Variants in RAB27B observed in about 807,000 individuals in gnomAD.
The protein encoded by RAB27B is ras-related protein Rab-27B.
RAB27B carries 15 observed loss-of-function variants against 24.6 expected under a neutral mutation model. The observed-to-expected ratio is 0.61, with a 90% CI of 0.41 to 0.94. The LOEUF is 0.94. Among genes scored for constraint, RAB27B ranks in the 40% least tolerant of loss-of-function variants. RAB27B has a pLI of 0.00. For missense variants in RAB27B, 261 were observed against 266.8 expected, an observed-to-expected ratio of 0.98 and a Z score of 0.15; for synonymous variants, 105 against 92.5, an observed-to-expected ratio of 1.14 and a Z score of -0.78.
intron 4 of RAB27B, chr18:54,885,926 G>C (rs1300076881): frequency 6.5e-6 from 1 of 153,548 alleles, no homozygotes; most frequent in Non-Finnish European, 1.4e-5. Flanking sequence ...GAGCAAAGGG[G>C]GACGTGCCAC....
chr18:54,738,229 A>C (rs1909959548), intron 2 of RAB27B, among the ~76,000 whole-genome samples: 1 of 152,164 alleles, frequency 6.6e-6, no homozygotes, highest in Admixed American at 6.6e-5. Flanking sequence ...CATTTTCCAC[A>C]TAAGAATAAC....
chr18:54,746,082 T>C (rs536099219), intron 2 of RAB27B, among the ~76,000 whole-genome samples: 4 of 152,224 alleles, frequency 2.6e-5, no homozygotes, highest in African/African-American at 9.6e-5. Flanking sequence ...ATATGTGAGA[T>C]GAAGCTTCAA....
intron 2 of RAB27B, among the ~76,000 whole-genome samples, chr18:54,728,903 C>CAAAAAAAAAAAAAAAAAAAAAAAAAAAA (rs58878407): frequency 1.5e-5 from 1 of 68,252 alleles, no homozygotes; most frequent in Non-Finnish European, 2.5e-5. Flanking sequence ...AAAAAAAACC[C>CAAAAAAAAAAAAAAAAAAAAAAAAAAAA]AAAAAAAAAA....
intron 1 of RAB27B, among the ~76,000 whole-genome samples, chr18:54,855,256 A>G (rs1232867959): frequency 6.6e-6 from 1 of 152,176 alleles, no homozygotes; most frequent in Admixed American, 6.5e-5. Context: ...TGGGGAGCAG[A>G]TGTAAATACA....
intron 4 of RAB27B, among the ~76,000 whole-genome samples, chr18:54,884,844 G>C (rs544321948): frequency 1.3e-5 from 2 of 152,248 alleles, no homozygotes; most frequent in African/African-American, 4.8e-5. Flanking sequence ...GGGGACACTG[G>C]CACTGAAGGT....
intron 2 of RAB27B, among the ~76,000 whole-genome samples, chr18:54,791,291 T>C (rs966731898): frequency 6.0e-4 from 92 of 152,194 alleles, no homozygotes; most frequent in African/African-American, 2.0e-3. Flanking sequence ...GTATCAGACT[T>C]GATTGGGTGC....
intron 4 of RAB27B, among the ~76,000 whole-genome samples, chr18:54,886,849 T>G (rs1285909448): frequency 5.9e-5 from 9 of 152,108 alleles, no homozygotes; most frequent in Non-Finnish European, 2.9e-5. Context: ...TTCTTTGTCT[T>G]CTTCCTCTAG....
At chr18:54,781,262 T>G (rs1908908305) in intron 2 of RAB27B, among the ~76,000 whole-genome samples, 1 of 152,048 alleles carries the variant, frequency 6.6e-6, no homozygotes, top group Non-Finnish European at 1.5e-5. Flanking sequence ...ACCTGTCCAC[T>G]GGCCTTTCTG....
intron 1 of RAB27B, among the ~76,000 whole-genome samples, chr18:54,833,996 G>A (rs1910795951): frequency 6.6e-6 from 1 of 152,164 alleles, no homozygotes; most frequent in African/African-American, 2.4e-5. Flanking sequence ...TTATAGAGAT[G>A]ACTTCTACTG....
chr18:54,884,093 CTG>C (rs10556725), intron 3 of RAB27B, among the ~76,000 whole-genome samples: 14,371 of 151,996 alleles, frequency 0.095, 771 homozygotes, highest in Middle Eastern at 0.17. Context: ...ATGTTACAAA[CTG>C]TGTGTATAAA....
intron 1 of RAB27B, among the ~76,000 whole-genome samples, chr18:54,874,701 TA>T (rs1305699301): frequency 6.6e-6 from 1 of 152,182 alleles, no homozygotes; most frequent in Admixed American, 6.5e-5. Flanking sequence ...CAAAAACTGC[TA>T]AAAAAATTAA....
In RAB27B at chr18:54,895,321, A is replaced by G. The variant is rs1734560517; in HGVS notation, c.*5908A>G. Reference sequence around the variant, plus strand: ...ACTATAAACTTGAAGTTTTTATTCTATATGCCCCTTAATAGACTGTGGTTC... The same window carrying G: ...ACTATAAACTTGAAGTTTTTATTCTGTATGCCCCTTAATAGACTGTGGTTC... On this transcript the variant is annotated 3_prime_UTR_variant, in exon 6 of 6. Transcript: ENST00000262094. 1 of 151,998 alleles carries G rather than the reference A, an allele frequency of 6.6e-6. No homozygotes were observed. Among genetic ancestry groups the G allele is most frequent in the Admixed American group, 6.6e-5 (1 of 15,212 alleles). 9.4% of individuals were successfully genotyped at this position (151,998 alleles called of 1,614,324 possible).
At chr18:54,770,143 C>A (rs1183965359) in intron 2 of RAB27B, among the ~76,000 whole-genome samples, 1 of 152,158 alleles carries the variant, frequency 6.6e-6, no homozygotes, top group Non-Finnish European at 1.5e-5. Flanking sequence ...CCACACCCAG[C>A]CATCATACAG....
intron 4 of RAB27B, among the ~76,000 whole-genome samples, chr18:54,886,526 C>T (rs1350551897): frequency 6.6e-6 from 1 of 151,982 alleles, no homozygotes; most frequent in Non-Finnish European, 1.5e-5. Context: ...AATGGGGAAA[C>T]AAATTCTGAC....
intron 1 of RAB27B, among the ~76,000 whole-genome samples, chr18:54,831,663 G>A (rs910607041): frequency 6.6e-5 from 10 of 152,122 alleles, no homozygotes; most frequent in African/African-American, 2.2e-4. Flanking sequence ...AGTAATTCTG[G>A]AACTTTTAGT....
chr18:54,737,625 A>G (rs1909936619), intron 2 of RAB27B, among the ~76,000 whole-genome samples: 1 of 152,176 alleles, frequency 6.6e-6, no homozygotes, highest in African/African-American at 2.4e-5. Context: ...TCCAGCACTT[A>G]CTGCAGTGCC....
chr18:54,760,416 A>T (rs1908148454), intron 2 of RAB27B, among the ~76,000 whole-genome samples: 1 of 152,182 alleles, frequency 6.6e-6, no homozygotes, highest in Non-Finnish European at 1.5e-5. Flanking sequence ...GCTTATAGAC[A>T]ACTTGAAATT....
chr18:54,735,659 C>T (rs1909868114), intron 2 of RAB27B, among the ~76,000 whole-genome samples: 1 of 152,064 alleles, frequency 6.6e-6, no homozygotes, highest in South Asian at 2.1e-4. Context: ...ATTACAGGCA[C>T]CTGCCACCAT....
chr18:54,792,372 A>G (rs1251213304), intron 2 of RAB27B, among the ~76,000 whole-genome samples: 4 of 152,176 alleles, frequency 2.6e-5, no homozygotes, highest in Admixed American at 2.6e-4. Flanking sequence ...CTCCAGCCTA[A>G]GCAACAGAGC....
Sources: allele counts gnomAD v4.1 joint callset (sites outside exome capture counted in the v4.1 genomes callset), GRCh38; gene constraint gnomAD v4.1.1; transcripts MANE v1.5; gene names NCBI Gene and HGNC (gene_info 2026-07-23, HGNC 2026-07-21).